The following FMN1 variants were observed in gnomAD, a reference collection of about 807,000 sequenced individuals.
FMN1 encodes the protein formin 1.
FMN1 carries 110 observed loss-of-function variants against 132.4 expected under a neutral mutation model. That is an observed-to-expected ratio of 0.83 (90% CI 0.71 to 0.97). The LOEUF is 0.97. Ranked by LOEUF, FMN1 falls within the 50% of genes least tolerant of loss-of-function variation. FMN1 has a pLI of 0.00. For missense variants in FMN1, 1,792 were observed against 1,705.3 expected, an observed-to-expected ratio of 1.05 and a Z score of -0.90; for synonymous variants, 722 against 651.7, an observed-to-expected ratio of 1.11 and a Z score of -1.64.
intron 5 of FMN1, among the ~76,000 whole-genome samples, chr15:33,077,458 G>A (rs1264306238): frequency 9.3e-5 from 14 of 150,922 alleles, no homozygotes; most frequent in Non-Finnish European, 8.8e-5. Flanking sequence ...TTGGTGTGCT[G>A]TACCCAATAA....
In FMN1 at chr15:32,865,852, AAT is replaced by A. The variant is rs1491555278; in HGVS notation, c.3836-8747_3836-8746del. On this transcript the variant is annotated intron_variant, in intron 16 of 20. Coordinates refer to ENST00000616417, the MANE Select transcript of FMN1 (RefSeq NM_001277313.2). ...ACTCCACCTCAAAAAAAAAAAAAAA[AAT>A]AAAATAAAATAAAATACCTACTAAA... 3.5e-4 allele frequency among the ~76,000 whole-genome samples: 52 copies of A among 146,602 alleles called. 1 individual carries two copies. The highest frequency in any genetic ancestry group is 9.8e-4 in the East Asian group (5 of 5,084).
chr15:32,901,168 G>T (rs2060286635), intron 13 of FMN1, among the ~76,000 whole-genome samples: 1 of 151,806 alleles, frequency 6.6e-6, no homozygotes, highest in Non-Finnish European at 1.5e-5. Context: ...AAAAAAGAAA[G>T]AAAGAAAGAA....
chr15:32,911,952 AT>A (rs1371002122), intron 10 of FMN1, among the ~76,000 whole-genome samples: 1 of 152,210 alleles, frequency 6.6e-6, no homozygotes, highest in African/African-American at 2.4e-5. Flanking sequence ...CACAACAGGC[AT>A]TTTTAAATGT....
rs1286590971 is a variant in FMN1, at chr15:33,035,470, TCTC to T, written c.2162-27398_2162-27396del. ...GCTCTGCACTGCTTCTGGGAGCTGT[TCTC>T]CTAGCTAACTGCTTTACTGCTCCAG... On this transcript the variant is annotated intron_variant, in intron 6 of 20. Transcript: ENST00000616417. Among the ~76,000 whole-genome samples, 32 of 152,278 alleles carry T rather than the reference TCTC, an allele frequency of 2.1e-4. No individual in the cohort carries two copies. In the East Asian group the frequency reaches 5.8e-3, roughly 28 times the overall value.
intron 6 of FMN1, among the ~76,000 whole-genome samples, chr15:33,022,701 C>G (rs1045258707): frequency 5.9e-5 from 9 of 152,208 alleles, no homozygotes; most frequent in African/African-American, 2.2e-4. Flanking sequence ...TGCTGTGCCC[C>G]AGTTCCTCTG....
At chr15:32,996,905 G>A (rs1596430761) in intron 7 of FMN1, among the ~76,000 whole-genome samples, 1 of 152,210 alleles carries the variant, frequency 6.6e-6, no homozygotes, top group East Asian at 1.9e-4. Flanking sequence ...CAGCAGTGTT[G>A]GGTATCAGGG....
intron 4 of FMN1, among the ~76,000 whole-genome samples, chr15:33,089,770 G>A (rs1156861823): frequency 6.6e-6 from 1 of 152,182 alleles, no homozygotes; most frequent in Non-Finnish European, 1.5e-5. Context: ...ACAATAGAGG[G>A]CCGTGCTTTT....
chr15:32,942,913 A>G (rs2061430249), intron 9 of FMN1, among the ~76,000 whole-genome samples: 1 of 152,178 alleles, frequency 6.6e-6, no homozygotes, highest in African/African-American at 2.4e-5. Context: ...CACCAAAAAC[A>G]AACAAATAAA....
At chr15:32,944,266 G>A (rs1259760887) in intron 9 of FMN1, among the ~76,000 whole-genome samples, 1 of 152,166 alleles carries the variant, frequency 6.6e-6, no homozygotes, top group Non-Finnish European at 1.5e-5. Context: ...TCCATCCCCT[G>A]CCACTCTGCC....
chr15:32,786,002 A>G (rs923222871), intron 19 of FMN1, among the ~76,000 whole-genome samples: 1 of 152,214 alleles, frequency 6.6e-6, no homozygotes, highest in Non-Finnish European at 1.5e-5. Flanking sequence ...AAAATGGTCT[A>G]AAAAATGGAT....
At chr15:32,978,655 A>C (rs1487545253) in intron 7 of FMN1, among the ~76,000 whole-genome samples, 1 of 152,232 alleles carries the variant, frequency 6.6e-6, no homozygotes, top group Admixed American at 6.5e-5. Context: ...GCTTAGAAGA[A>C]ACAGATGATA....
intron 17 of FMN1, chr15:32,810,914 A>G (rs926753766): frequency 4.4e-6 from 2 of 454,516 alleles, no homozygotes; most frequent in African/African-American, 4.0e-5. Context: ...TGTTTTTATT[A>G]CAGCTCTACA....
chr15:32,924,783 G>A (rs943289085), intron 10 of FMN1, among the ~76,000 whole-genome samples: 2 of 152,126 alleles, frequency 1.3e-5, no homozygotes, highest in South Asian at 2.1e-4. Flanking sequence ...ATGTTATGGC[G>A]TATGCCTGTA....
chr15:32,959,282 C>CACCT (rs1242515506), intron 9 of FMN1, among the ~76,000 whole-genome samples: 1 of 152,124 alleles, frequency 6.6e-6, no homozygotes, highest in African/African-American at 2.4e-5. Flanking sequence ...AGCTGCTCAC[C>CACCT]ACCTCTAAAA....
At chr15:32,999,326 G>A (rs1040563054) in intron 7 of FMN1, among the ~76,000 whole-genome samples, 21 of 152,144 alleles carry the variant, frequency 1.4e-4, no homozygotes, top group African/African-American at 3.9e-4. Context: ...TATAAATTTC[G>A]TTGTATCAGC....
At chr15:32,913,869 T>A (rs1291270383) in intron 10 of FMN1, among the ~76,000 whole-genome samples, 2 of 152,176 alleles carry the variant, frequency 1.3e-5, no homozygotes, top group East Asian at 3.9e-4. Flanking sequence ...TCCTGAAGAC[T>A]GAGTCCTGCT....
intron 7 of FMN1, among the ~76,000 whole-genome samples, chr15:33,005,211 C>A (rs1224340275): frequency 1.3e-5 from 2 of 148,946 alleles, no homozygotes; most frequent in Non-Finnish European, 3.0e-5. Context: ...AAAAAAAAAA[C>A]TACAGCTAAG....
chr15:33,063,539 C>CTG (rs1463391842), intron 6 of FMN1: 1 of 152,236 alleles, frequency 6.6e-6, no homozygotes, highest in Non-Finnish European at 1.5e-5. Flanking sequence ...TGAAAGGTCT[C>CTG]TAATAAACTC....
chr15:33,042,069 G>GA (rs1205816156), intron 6 of FMN1, among the ~76,000 whole-genome samples: 4 of 151,880 alleles, frequency 2.6e-5, no homozygotes, highest in Non-Finnish European at 2.9e-5. Context: ...TGAAAAGCTA[G>GA]AACTAATAAG....
Sources: gnomAD v4.1 joint callset for allele counts (sites outside exome capture counted in the v4.1 genomes callset) on GRCh38, gnomAD v4.1.1 for gene constraint, MANE v1.5 for transcripts, NCBI Gene and HGNC (gene_info 2026-07-23, HGNC 2026-07-21) for gene names.